GDPD5: variants seen among roughly 807,000 people sequenced by gnomAD.
GDPD5 encodes glycerophosphodiester phosphodiesterase 2.
Under a neutral mutation model 75.1 loss-of-function variants are expected in GDPD5, and 48 were observed. The ratio of observed to expected loss-of-function variants is 0.64; its 90% CI spans 0.51 to 0.81. GDPD5 has a LOEUF of 0.81. Ranked by LOEUF, GDPD5 falls within the 40% of genes least tolerant of loss-of-function variation. GDPD5 has a pLI of 0.00. For synonymous variants in GDPD5, 336 were observed against 339.0 expected, an observed-to-expected ratio of 0.99 and a Z score of 0.10; for missense variants, 706 against 822.6, an observed-to-expected ratio of 0.86 and a Z score of 1.73.
At chr11:75,509,772 T>C (rs955405760) in intron 1 of GDPD5, among the ~76,000 whole-genome samples, 1 of 152,128 alleles carries the variant, frequency 6.6e-6, no homozygotes, top group African/African-American at 2.4e-5. Context: ...CTCCGCCTCC[T>C]GGGTTCCAGC....
intron 1 of GDPD5, among the ~76,000 whole-genome samples, chr11:75,498,286 C>A (rs2135442816): frequency 6.6e-6 from 1 of 152,344 alleles, no homozygotes; most frequent in South Asian, 2.1e-4. Context: ...CCAGGAAGGG[C>A]AACCTGTTTA....
At chr11:75,524,157 C>G (rs1439913544) in intron 1 of GDPD5, among the ~76,000 whole-genome samples, 1 of 152,242 alleles carries the variant, frequency 6.6e-6, no homozygotes, top group East Asian at 1.9e-4. Context: ...AGACCTTGAG[C>G]AGGTCCCTTC....
intron 7 of GDPD5, 44 bp from the exon 8 acceptor site, chr11:75,449,654 T>C: frequency 6.5e-7 from 1 of 1,540,410 alleles, no homozygotes; most frequent in Non-Finnish European, 8.8e-7. Context: ...CGCCCAGCTC[T>C]GCCCAGACCC....
At chr11:75,507,829 C>A (rs1410291577) in intron 1 of GDPD5, among the ~76,000 whole-genome samples, 1 of 152,212 alleles carries the variant, frequency 6.6e-6, no homozygotes, top group African/African-American at 2.4e-5. Context: ...AAATCAGGCT[C>A]TACACACGCA....
At chr11:75,473,561 G>T (rs1029335463) in intron 3 of GDPD5, among the ~76,000 whole-genome samples, 2 of 152,006 alleles carry the variant, frequency 1.3e-5, no homozygotes, top group Non-Finnish European at 1.5e-5. Context: ...ACCTCCACCT[G>T]AGGGCCCTCA....
At chr11:75,475,551 G>A (rs1004601623) in intron 3 of GDPD5, among the ~76,000 whole-genome samples, 1 of 152,190 alleles carries the variant, frequency 6.6e-6, no homozygotes, top group East Asian at 1.9e-4. Context: ...GGAATAGAGA[G>A]AGAAAAGAGA....
chr11:75,500,564 C>T (rs964404722), intron 1 of GDPD5, among the ~76,000 whole-genome samples: 19 of 152,174 alleles, frequency 1.2e-4, no homozygotes, highest in African/African-American at 4.6e-4. Flanking sequence ...CTCCCTTGCC[C>T]ATCACATCCT....
Position 75,524,760 on chromosome 11 carries a change from C to G in GDPD5, c.-145+450G>C, listed in dbSNP as rs899372907. ...CTGGGAAGCTTCCCACCTCTACCCT[C>G]AACTCTGAGTCACCTTTCCTCGCGG... On this transcript the variant is annotated intron_variant, in intron 1 of 16. Transcript: ENST00000336898. Among the ~76,000 whole-genome samples, 5 of 152,324 alleles carry G rather than the reference C, an allele frequency of 3.3e-5. No homozygotes were observed. The East Asian group carries it at 9.6e-4, about 29-fold the overall frequency.
intron 1 of GDPD5, among the ~76,000 whole-genome samples, chr11:75,516,910 G>A (rs933602215): frequency 7.2e-5 from 11 of 152,316 alleles, no homozygotes; most frequent in Non-Finnish European, 1.2e-4. Context: ...AGTGATACCT[G>A]GACTTGAGCA....
At chr11:75,493,374 G>GTTTTTTAT (rs1021192113) in intron 1 of GDPD5, among the ~76,000 whole-genome samples, 1 of 141,402 alleles carries the variant, frequency 7.1e-6, no homozygotes, top group Admixed American at 7.3e-5. Flanking sequence ...ACTCTTCTCT[G>GTTTTTTAT]TTTTTTATTT....
chr11:75,509,365 T>C (rs1363741206), intron 1 of GDPD5, among the ~76,000 whole-genome samples: 3 of 152,168 alleles, frequency 2.0e-5, no homozygotes, highest in African/African-American at 7.2e-5. Flanking sequence ...TGTGTGCGAC[T>C]TGTACATAAT....
chr11:75,441,137 C>T, intron 14 of GDPD5, 26 bp downstream of exon 14: 1 of 1,610,506 alleles, frequency 6.2e-7, no homozygotes, highest in Non-Finnish European at 8.5e-7. Context: ...CACTGCCCCC[C>T]AGGGGCCCTC....
At position 75,518,714 on chromosome 11, in the gene GDPD5, C is replaced by T. The variant is rs538060392; in HGVS notation, c.-145+6496G>A. Among the ~76,000 whole-genome samples, 56 of 152,240 alleles carry T rather than the reference C, an allele frequency of 3.7e-4. 1 individual carries two copies. Among genetic ancestry groups the T allele is most frequent in the African/African-American group, 1.3e-3 (53 of 41,522 alleles). ...AAATATAAGGGTGTCCTCAAGGCCCCACAGCCAGCAACAAATCGAGGCAGC... is the reference window on the plus strand; with the variant it reads ...AAATATAAGGGTGTCCTCAAGGCCCTACAGCCAGCAACAAATCGAGGCAGC... On this transcript the variant is annotated intron_variant, in intron 1 of 16. Transcript: ENST00000336898.
chr11:75,494,666 T>C (rs1243286222), intron 1 of GDPD5, among the ~76,000 whole-genome samples: 1 of 152,026 alleles, frequency 6.6e-6, no homozygotes, highest in East Asian at 1.9e-4. Flanking sequence ...TACATAAAAT[T>C]TGATGGCCAG....
chr11:75,498,648 C>G (rs769500696), intron 1 of GDPD5, among the ~76,000 whole-genome samples: 1 of 152,112 alleles, frequency 6.6e-6, no homozygotes, highest in African/African-American at 2.4e-5. Flanking sequence ...ACAATGGGGG[C>G]GGGAGCTCTG....
chr11:75,525,663 GC>G lies in GDPD5; in HGVS notation c.-599del, dbSNP rs1277197631. The stretch of plus-strand genomic sequence containing the variant: ...GGGGCTCCGCGCGTCCCGGCCGCAC[GC>G]CCCGAACCGCGGGGCTGGGACGGGC... On this transcript the variant is annotated 5_prime_UTR_variant, in exon 1 of 17. Coordinates refer to ENST00000336898, the MANE Select transcript of GDPD5 (RefSeq NM_030792.8). 6.6e-6 allele frequency: 1 copy of G among 151,384 alleles called. No homozygotes were observed. The highest frequency in any genetic ancestry group is 2.4e-5 in the African/African-American group (1 of 41,312). The allele number at this position is 151,384 out of a possible 1,614,324, so 9.4% of individuals were successfully genotyped here.
At chr11:75,449,221 T>C (rs1447477610) in intron 8 of GDPD5, 99 bp from the exon 9 acceptor site, 4 of 1,401,224 alleles carry the variant, frequency 2.9e-6, no homozygotes, top group African/African-American at 3.0e-5. Context: ...ATCCAGGTGC[T>C]CTAGGGGGAA....
In GDPD5 at chr11:75,510,699, C is replaced by T. The variant is rs143592017; in HGVS notation, c.-145+14511G>A. Among the ~76,000 whole-genome samples, 85 of 151,580 alleles carry T rather than the reference C, an allele frequency of 5.6e-4. No individual in the cohort carries two copies. The East Asian group carries it at 0.015, about 26-fold the overall frequency. On this transcript the variant is annotated intron_variant, in intron 1 of 16. Coordinates refer to ENST00000336898, the MANE Select transcript of GDPD5 (RefSeq NM_030792.8). ...TCGCAGAGCCTCACTTAAGTGCCCC[C>T]CAACCCCAAGCTGAGACTGATGGAC...
At chr11:75,443,332 T>C (rs1948887082) in intron 10 of GDPD5, 46 bp from the exon 11 acceptor site, 1 of 1,563,968 alleles carries the variant, frequency 6.4e-7, no homozygotes, top group Non-Finnish European at 8.6e-7. Flanking sequence ...CCCAGATCCT[T>C]TACCTGCCCA....
Sources: allele counts gnomAD v4.1 joint callset (sites outside exome capture counted in the v4.1 genomes callset), GRCh38; gene constraint gnomAD v4.1.1; transcripts MANE v1.5; gene names NCBI Gene and HGNC (gene_info 2026-07-23, HGNC 2026-07-21).